AFAP1L2: variants seen among roughly 807,000 people sequenced by gnomAD.
AFAP1L2 encodes the protein actin filament associated protein 1 like 2, also known as actin filament-associated protein 1-like 2.
Under a neutral mutation model 99.3 loss-of-function variants are expected in AFAP1L2, and 46 were observed. The ratio of observed to expected loss-of-function variants is 0.46; its 90% CI spans 0.37 to 0.59. The LOEUF is 0.59. AFAP1L2 is among the 20% of genes least tolerant of loss of function. The probability of loss-of-function intolerance (pLI) is 0.00; values close to 1 mark genes in which losing one functional copy is unlikely to be tolerated. For missense variants in AFAP1L2, 959 were observed against 1,034.9 expected (o/e 0.93, Z 1.01); for synonymous variants, 397 against 419.1 (o/e 0.95, Z 0.64).
chr10:114,329,575 A>G (rs1026410420), intron 4 of AFAP1L2, among the ~76,000 whole-genome samples: 1 of 152,188 alleles, frequency 6.6e-6, no homozygotes, highest in African/African-American at 2.4e-5. Flanking sequence ...GCCGTGGCTC[A>G]GAACAGCCAC....
chr10:114,291,702 G>C (rs1413924232), downstream of AFAP1L2, among the ~76,000 whole-genome samples: 2 of 152,222 alleles, frequency 1.3e-5, no homozygotes, highest in South Asian at 2.1e-4. Flanking sequence ...CGAAGGCCAC[G>C]GCCTTTCAAG....
At chr10:114,388,320 G>C (rs1238165877) in intron 1 of AFAP1L2, among the ~76,000 whole-genome samples, 1 of 151,764 alleles carries the variant, frequency 6.6e-6, no homozygotes, top group African/African-American at 2.4e-5. Context: ...CAGAACCTTT[G>C]CAACTGCCAC....
At chr10:114,374,429 G>A (rs1322715123) in intron 1 of AFAP1L2, among the ~76,000 whole-genome samples, 2 of 152,148 alleles carry the variant, frequency 1.3e-5, no homozygotes, top group Admixed American at 6.5e-5. Context: ...TGAAGGAGCC[G>A]CAGATGCGAT....
intron 1 of AFAP1L2, among the ~76,000 whole-genome samples, chr10:114,363,619 G>A (rs1246087733): frequency 6.6e-6 from 1 of 152,172 alleles, no homozygotes; most frequent in East Asian, 1.9e-4. Context: ...CTTTCCTAAC[G>A]TTATAGATGA....
chr10:114,393,338 T>G (rs1254825016), intron 1 of AFAP1L2: 1 of 152,288 alleles, frequency 6.6e-6, no homozygotes, highest in South Asian at 2.1e-4. Flanking sequence ...AGGCTGACAC[T>G]GACCTGAGCC....
intron 1 of AFAP1L2, among the ~76,000 whole-genome samples, chr10:114,401,423 G>C (rs948901513): frequency 5.3e-5 from 8 of 152,328 alleles, no homozygotes; most frequent in African/African-American, 1.9e-4. Flanking sequence ...GCTCTTATGA[G>C]AGTCATAAAT....
At chr10:114,398,760 C>T in intron 1 of AFAP1L2, 1 of 1,197,896 alleles carries the variant, frequency 8.3e-7, no homozygotes, top group Non-Finnish European at 1.1e-6. Context: ...CAACCATCCA[C>T]CCAGAGCATG....
rs567151113 is a variant in AFAP1L2, at chr10:114,398,405, C to G, written c.16+6035G>C. On this transcript the variant is annotated intron_variant, in intron 1 of 18. Coordinates refer to ENST00000304129, the MANE Select transcript of AFAP1L2 (RefSeq NM_001001936.3). ...CTGAGAAGCCCCAACTTATATCTCC[C>G]AACAGCATTGAAAAGCACACAGTGG... Among the ~76,000 whole-genome samples, 80 of 152,318 alleles carry G rather than the reference C, an allele frequency of 5.3e-4. 1 individual carries two copies. Among genetic ancestry groups the G allele is most frequent in the African/African-American group, 1.9e-3 (78 of 41,560 alleles).
intron 1 of AFAP1L2, among the ~76,000 whole-genome samples, chr10:114,374,066 A>G (rs2054489380): frequency 6.6e-6 from 1 of 152,036 alleles, no homozygotes; most frequent in South Asian, 2.1e-4. Context: ...CAGCCCCATA[A>G]GCTAAAACCA....
chr10:114,339,572 TC>T (rs2048486014), intron 2 of AFAP1L2, among the ~76,000 whole-genome samples: 1 of 152,202 alleles, frequency 6.6e-6, no homozygotes. Context: ...GTGAAGTGTG[TC>T]CCCTGAAAAT....
In AFAP1L2 at chr10:114,323,540, C is replaced by T. The variant is rs534416400; in HGVS notation, c.316-279G>A. ...TGAGGCTCAAGCCCCCTACCACACA[C>T]ACAAAATATCATTATGTACATGATA... On this transcript the variant is annotated intron_variant, in intron 4 of 18. Transcript: ENST00000304129. Among the ~76,000 whole-genome samples the T allele has an allele frequency of 1.3e-4, 20 of 152,324 alleles. No homozygotes were observed. The South Asian group carries it at 2.9e-3, about 22-fold the overall frequency.
the AFAP1L2 span, among the ~76,000 whole-genome samples, chr10:114,287,157 G>A: frequency 6.6e-6 from 1 of 152,168 alleles, no homozygotes; most frequent in African/African-American, 2.4e-5. Context: ...CCTGGCCCAT[G>A]GCCAGAGATG....
downstream of AFAP1L2, among the ~76,000 whole-genome samples, chr10:114,292,599 T>C (rs2039702520): frequency 6.6e-6 from 1 of 151,004 alleles, no homozygotes; most frequent in African/African-American, 2.4e-5. Flanking sequence ...CTTACTTCCC[T>C]ATCGCTGCAG....
At chr10:114,304,957 G>A in intron 10 of AFAP1L2, 27 bp from the exon 11 acceptor site, 2 of 1,601,618 alleles carry the variant, frequency 1.2e-6, no homozygotes, top group Non-Finnish European at 1.7e-6. Context: ...AGATGCAGGA[G>A]GGGACAGGGC....
At chr10:114,326,683 C>G (rs1332074856) in intron 4 of AFAP1L2, among the ~76,000 whole-genome samples, 1 of 152,122 alleles carries the variant, frequency 6.6e-6, no homozygotes, top group Non-Finnish European at 1.5e-5. Context: ...TCTCCAGAAC[C>G]AGGCTTGAAT....
Position 114,310,349 on chromosome 10 carries a change from C to A in AFAP1L2, c.882+5G>T. The A allele has an allele frequency of 1.2e-6, 2 of 1,611,790 alleles. No individual in the cohort carries two copies. The highest frequency in any genetic ancestry group is 1.1e-5 in the South Asian group (1 of 90,650). ...ACTCTCCCTCCAGGCAGGGCAGAGG[C>A]TTACTTTCTGGCAGTTAAAGCGCTG... On this transcript the variant is annotated splice_donor_5th_base_variant and intron_variant, in intron 8 of 18. Transcript: ENST00000304129.
intron 1 of AFAP1L2, among the ~76,000 whole-genome samples, chr10:114,346,792 T>A (rs928800014): frequency 1.3e-5 from 2 of 152,198 alleles, no homozygotes; most frequent in Non-Finnish European, 2.9e-5. Context: ...ATAAGTTTCT[T>A]GTTTGAGACT....
chr10:114,392,088 A>G (rs2057224445), intron 1 of AFAP1L2, among the ~76,000 whole-genome samples: 1 of 152,186 alleles, frequency 6.6e-6, no homozygotes, highest in Non-Finnish European at 1.5e-5. Flanking sequence ...AGAAACCCAT[A>G]GACAGAATCC....
intron 1 of AFAP1L2, among the ~76,000 whole-genome samples, chr10:114,376,682 C>T (rs532110669): frequency 6.6e-6 from 1 of 152,322 alleles, no homozygotes; most frequent in East Asian, 1.9e-4. Flanking sequence ...ATCACAAGGG[C>T]TGATACAACA....
Sources: allele counts gnomAD v4.1 joint callset (sites outside exome capture counted in the v4.1 genomes callset), GRCh38; gene constraint gnomAD v4.1.1; transcripts MANE v1.5; gene names NCBI Gene and HGNC (gene_info 2026-07-23, HGNC 2026-07-21).